The following GCAT variants were observed in gnomAD, a reference collection of about 807,000 sequenced individuals.
GCAT encodes 2-amino-3-ketobutyrate coenzyme A ligase, mitochondrial.
In GCAT, 26 loss-of-function variants were observed where a neutral mutation model predicts 39.7. That is an observed-to-expected ratio of 0.65 (90% CI 0.48 to 0.91). The LOEUF (loss-of-function observed/expected upper bound fraction) is 0.91, where lower values mean the gene tolerates loss of function less well. GCAT is among the 40% of genes least tolerant of loss of function. GCAT has a pLI of 0.00. For synonymous variants in GCAT, 218 were observed against 237.2 expected (o/e 0.92, Z 0.74); for missense variants, 550 against 576.2 (o/e 0.95, Z 0.47).
chr22:37,813,782 C>G (rs1411498450), intron 4 of GCAT, among the ~76,000 whole-genome samples, 173 bp downstream of exon 4: 1 of 151,164 alleles, frequency 6.6e-6, no homozygotes, highest in Non-Finnish European at 1.5e-5. Context: ...TTTTTTTTCC[C>G]TGAGACAGAG....
Position 37,816,722 on chromosome 22 carries a change from C to A in GCAT, c.*4C>A. The A allele has an allele frequency of 6.2e-7, 1 of 1,613,610 alleles. No homozygotes were observed. The highest frequency in any genetic ancestry group is 1.1e-5 in the South Asian group (1 of 91,064). Reference sequence around the variant, plus strand: ...ACTGCACGGGGCACTGCCCTGAGCTCTGGGTAAGGACGAGAAGAGCCAAGG... The same window carrying A: ...ACTGCACGGGGCACTGCCCTGAGCTATGGGTAAGGACGAGAAGAGCCAAGG... On this transcript the variant is annotated 3_prime_UTR_variant, in exon 9 of 9. Coordinates refer to ENST00000248924, the MANE Select transcript of GCAT (RefSeq NM_014291.4).
intron 2 of GCAT, 28 bp from the exon 3 acceptor site, chr22:37,812,859 C>CA (rs1921749145): frequency 6.7e-7 from 1 of 1,493,104 alleles, no homozygotes; most frequent in African/African-American, 1.4e-5. Context: ...CCACAGGCAT[C>CA]AACACGTGTC....
Position 37,816,183 on chromosome 22 carries a change from ACACCTTGTGC to A in GCAT, c.987-15_987-6del, listed in dbSNP as rs1258776356. ...CTCCACGGCCCCTTAGCTACCTGTG[ACACCTTGTGC>A]CCACAGGTTCCGTAGTAAGATGGAA... is the stretch of plus-strand genomic sequence containing the variant. On this transcript the variant is annotated splice_polypyrimidine_tract_variant and splice_region_variant and intron_variant, in intron 7 of 8. Coordinates refer to ENST00000248924, the MANE Select transcript of GCAT (RefSeq NM_014291.4). The A allele has an allele frequency of 6.2e-7, 1 of 1,611,440 alleles. No individual in the cohort carries two copies. The highest frequency in any genetic ancestry group is 8.5e-7 in the Non-Finnish European group (1 of 1,179,178).
In GCAT at chr22:37,813,550, A is replaced by G. The variant is rs1921842244; in HGVS notation, c.517A>G (p.Lys173Glu). The G allele has an allele frequency of 6.2e-7, 1 of 1,613,666 alleles. No homozygotes were observed. ...CGGCATCCGGCTGTGCAAGGCCCACAAGTACCGCTATCGCCACCTGGACAT... is the reference window on the plus strand; with the variant it reads ...CGGCATCCGGCTGTGCAAGGCCCACGAGTACCGCTATCGCCACCTGGACAT... ...IDGIRLCKAH[K>E]YRYRHLDMAD... Residue 173 changes from lysine (K) to glutamate (E), a missense_variant, in exon 4 of 9, where the codon AAG (lysine) becomes GAG (glutamate). By Grantham distance (56) the Lys-to-Glu change is moderately conservative. Around this residue, in one of 3 missense-constraint regions of GCAT, gnomAD observed 378 missense variants for 390.4 expected, o/e 0.97. Transcript: ENST00000248924.
intron 7 of GCAT, 115 bp downstream of exon 7, chr22:37,815,949 T>C: frequency 8.4e-7 from 1 of 1,189,318 alleles, no homozygotes; most frequent in Non-Finnish European, 1.2e-6. Context: ...TTCTGCCTGT[T>C]CCCCTCCCTT....
At chr22:37,813,435 T>C (rs1921821551) in intron 3 of GCAT, 28 bp from the exon 4 acceptor site, 2 of 1,572,424 alleles carry the variant, frequency 1.3e-6, no homozygotes, top group Non-Finnish European at 1.7e-6. Flanking sequence ...GGTTAAATGA[T>C]GGCTCTACGC....
intron 1 of GCAT, among the ~76,000 whole-genome samples, chr22:37,809,567 C>T (rs1036355337): frequency 4.6e-5 from 7 of 152,130 alleles, no homozygotes; most frequent in African/African-American, 1.4e-4. Context: ...TGCCTGAAAT[C>T]GTAGCACTTT....
intron 4 of GCAT, among the ~76,000 whole-genome samples, chr22:37,814,294 A>G (rs1050029301): frequency 6.7e-6 from 1 of 150,332 alleles, no homozygotes; most frequent in East Asian, 2.0e-4. Context: ...ATGGAATTTC[A>G]CTCTTTTTGC....
Position 37,808,002 on chromosome 22 carries a change from T to A in GCAT, c.35T>A (p.Phe12Tyr). The change falls in exon 1 of 9, where the codon TTC becomes TAC. Residue 12 changes from phenylalanine to tyrosine, a missense_variant. Around this residue, in one of 3 missense-constraint regions of GCAT, gnomAD observed 154 missense variants for 141.9 expected, o/e 1.08. Transcript: ENST00000248924. ...GGGAACGCCTGGCGCGCCGCACTCT[T>A]CTGGGTGCCCCGCGGCCGCCGCGCA... ...WPGNAWRAALFWVPRGRRAQS... is the reference protein window; with the variant it reads ...WPGNAWRAALYWVPRGRRAQS... The A allele has an allele frequency of 6.5e-7, 1 of 1,543,496 alleles. No individual in the cohort carries two copies. Among genetic ancestry groups the A allele is most frequent in the East Asian group, 2.5e-5 (1 of 39,900 alleles).
chr22:37,809,562 G>C (rs940951828), intron 1 of GCAT, among the ~76,000 whole-genome samples: 1 of 152,208 alleles, frequency 6.6e-6, no homozygotes, highest in Non-Finnish European at 1.5e-5. Flanking sequence ...GCTTGTGCCT[G>C]AAATCGTAGC....
At chr22:37,812,456 C>T (rs927574270) in intron 2 of GCAT, among the ~76,000 whole-genome samples, 3 of 152,172 alleles carry the variant, frequency 2.0e-5, no homozygotes, top group African/African-American at 7.2e-5. Flanking sequence ...GACTCGCATC[C>T]AGTCACTTCC....
chr22:37,815,624 CT>C (rs1569083441), intron 6 of GCAT, 38 bp from the exon 7 acceptor site: 1 of 1,539,230 alleles, frequency 6.5e-7, no homozygotes, highest in East Asian at 2.2e-5. Flanking sequence ...GCTCTGGCCC[CT>C]GACCAACCCC....
chr22:37,813,226 G>T (rs896732372), intron 3 of GCAT: 1 of 660,870 alleles, frequency 1.5e-6, no homozygotes, highest in African/African-American at 1.8e-5. Flanking sequence ...GAAGGCTGGG[G>T]GAGGCGGGGG....
At position 37,812,984 on chromosome 22, in the gene GCAT, T is replaced by C. The variant is rs1002386930; in HGVS notation, c.425T>C (p.Phe142Ser). ...TGTTATGACGCCAACGCCGGCCTCT[T>C]TGAGGTGTGTGGAAGCTGTCCTGCG... ...PSCYDANAGL[F>S]EALLTPEDAV... Residue 142 changes from phenylalanine to serine, a missense_variant, in exon 3 of 9, where the codon TTT becomes TCT. This residue lies in a region of GCAT where 378 missense variants were observed against 390.4 expected (regional missense o/e 0.97). Transcript: ENST00000248924. The C allele has an allele frequency of 6.2e-7, 1 of 1,608,616 alleles. No homozygotes were observed. Among genetic ancestry groups the C allele is most frequent in the African/African-American group, 1.3e-5 (1 of 74,760 alleles).
At chr22:37,809,798 C>T (rs1013354751) in intron 1 of GCAT, 36 of 608,706 alleles carry the variant, frequency 5.9e-5, no homozygotes, top group Admixed American at 5.7e-5. Context: ...CCAACCTGGG[C>T]GACAGAGCTA....
At chr22:37,809,892 T>A (rs1250871549) in intron 1 of GCAT, 135 bp from the exon 2 acceptor site, 17 of 1,127,586 alleles carry the variant, frequency 1.5e-5, no homozygotes, top group Non-Finnish European at 2.1e-5. Flanking sequence ...GCTGTTGAAT[T>A]TGGTGCCTCC....
chr22:37,814,494 C>T (rs1921943066), intron 4 of GCAT, among the ~76,000 whole-genome samples: 1 of 152,134 alleles, frequency 6.6e-6, no homozygotes, highest in Non-Finnish European at 1.5e-5. Context: ...AACTCCTGAC[C>T]TCAGGTGATC....
chr22:37,815,090 G>T, intron 4 of GCAT, 36 bp from the exon 5 acceptor site: 3 of 1,606,744 alleles, frequency 1.9e-6, no homozygotes, highest in South Asian at 2.2e-5. Flanking sequence ...GGCCCAACTT[G>T]ACACCACCCA....
rs202183602 is a variant in GCAT at position 37,807,972 on chromosome 22, G to A, written c.5G>A (p.Trp2Ter). M[W>*]PGNAWRAALF... ...CGCTCGGGCGAGGTAGGAGCGATGT[G>A]GCCTGGGAACGCCTGGCGCGCCGCA... Residue 2 changes from tryptophan to a stop codon, truncating the protein, a stop_gained, in exon 1 of 9, where the codon TGG becomes TAG. Transcript: ENST00000248924. LOFTEE classifies it high-confidence loss of function. 1.1e-4 allele frequency: 176 copies of A among 1,532,164 alleles called. 1 individual carries two copies. The African/African-American group carries it at 2.2e-3, about 19-fold the overall frequency. The allele number at this position is 1,532,164 out of a possible 1,614,324, so 94.9% of individuals were successfully genotyped here.
Sources: allele counts gnomAD v4.1 joint callset (sites outside exome capture counted in the v4.1 genomes callset), GRCh38; gene constraint gnomAD v4.1.1; regional missense constraint gnomAD v4.1.1; transcripts MANE v1.5; gene names NCBI Gene and HGNC (gene_info 2026-07-23, HGNC 2026-07-21).